The following DNAH8 variants were observed in gnomAD, a reference collection of about 807,000 sequenced individuals.
DNAH8 encodes axonemal beta dynein heavy chain 8.
In DNAH8, 382 loss-of-function variants were observed where a neutral mutation model predicts 562.1. The ratio of observed to expected loss-of-function variants is 0.68; its 90% CI spans 0.63 to 0.74. The LOEUF is 0.74. Among genes scored for constraint, DNAH8 ranks in the 30% least tolerant of loss-of-function variants. The probability of loss-of-function intolerance (pLI) is 0.00; values close to 1 mark genes in which losing one functional copy is unlikely to be tolerated. For missense variants in DNAH8, 5,203 were observed against 5,620.4 expected (o/e 0.93, Z 2.37); for synonymous variants, 1,881 against 1,919.4 (o/e 0.98, Z 0.52).
intron 62 of DNAH8, among the ~76,000 whole-genome samples, chr6:38,904,692 T>C (rs1780310613): frequency 6.8e-6 from 1 of 147,320 alleles, no homozygotes; most frequent in African/African-American, 2.5e-5. Context: ...CTCAAGAGGC[T>C]GAGGCAGGAG....
At chr6:38,735,416 C>T (rs1042212924) in intron 5 of DNAH8, among the ~76,000 whole-genome samples, 2 of 152,180 alleles carry the variant, frequency 1.3e-5, no homozygotes, top group South Asian at 4.1e-4. Flanking sequence ...TTTTCCCTGA[C>T]CCCTTGTAAA....
At chr6:38,780,190 G>A (rs1237785399) in intron 15 of DNAH8, 125 bp downstream of exon 15, 5 of 900,774 alleles carry the variant, frequency 5.6e-6, no homozygotes, top group African/African-American at 5.0e-5. Flanking sequence ...AAGGAGCATT[G>A]ACGCTCCCTT....
At chr6:38,984,889 T>G (rs534703765) in intron 87 of DNAH8, among the ~76,000 whole-genome samples, 5 of 152,196 alleles carry the variant, frequency 3.3e-5, no homozygotes, top group African/African-American at 9.6e-5. Flanking sequence ...CTTTCCCATG[T>G]AGATGAAACT....
intron 71 of DNAH8, among the ~76,000 whole-genome samples, chr6:38,922,759 A>G (rs1464541447): frequency 6.6e-6 from 1 of 152,286 alleles, no homozygotes; most frequent in South Asian, 2.1e-4. Context: ...TATTGATTTG[A>G]TTCTGTTTTG....
At position 38,883,069 on chromosome 6, in the gene DNAH8, G is replaced by T; in HGVS notation, c.8001+17G>T. ...CAACATAAAGTAAGTTTAATAGATA[G>T]TTCCTTAAATGATCACAAACCATCC... On this transcript the variant is annotated intron_variant, in intron 54 of 92. Coordinates refer to ENST00000327475, the MANE Select transcript of DNAH8 (RefSeq NM_001206927.2). 1.3e-6 allele frequency: 2 copies of T among 1,561,856 alleles called. No individual in the cohort carries two copies. Among genetic ancestry groups the T allele is most frequent in the Non-Finnish European group, 1.7e-6 (2 of 1,158,026 alleles).
chr6:38,841,973 A>G (rs1774839418), intron 33 of DNAH8, among the ~76,000 whole-genome samples: 1 of 152,150 alleles, frequency 6.6e-6, no homozygotes, highest in Non-Finnish European at 1.5e-5. Flanking sequence ...TTCTCATAAA[A>G]TCCAGCTTGT....
At chr6:38,935,443 A>G (rs1023279123) in intron 76 of DNAH8, 149 bp from the exon 77 acceptor site, 2 of 594,052 alleles carry the variant, frequency 3.4e-6, no homozygotes, top group Non-Finnish European at 5.8e-6. Context: ...ATGGATAGAT[A>G]GATTTGGCTA....
chr6:38,921,603 A>T, intron 71 of DNAH8, 97 bp downstream of exon 71: 1 of 1,369,066 alleles, frequency 7.3e-7, no homozygotes, highest in East Asian at 2.6e-5. Context: ...GTGATGAAAA[A>T]ATATTGGCCA....
intron 8 of DNAH8, among the ~76,000 whole-genome samples, chr6:38,748,104 T>C (rs1324722670): frequency 6.6e-6 from 1 of 152,242 alleles, no homozygotes; most frequent in African/African-American, 2.4e-5. Context: ...GACATTCTTA[T>C]TCATGTCTCC....
At chr6:38,727,978 T>C (rs75761883) in intron 3 of DNAH8, among the ~76,000 whole-genome samples, 1 of 152,136 alleles carries the variant, frequency 6.6e-6, no homozygotes, top group Non-Finnish European at 1.5e-5. Context: ...AATTTTTTTT[T>C]CTTTTGAGAC....
In DNAH8 at chr6:38,860,543, G is replaced by T; in HGVS notation, c.6045G>T (p.Val2015=). 2 of 1,531,484 alleles carry T rather than the reference G, an allele frequency of 1.3e-6. No homozygotes were observed. The highest frequency in any genetic ancestry group is 2.3e-5 in the Admixed American group (1 of 42,868). The allele number at this position is 1,531,484 out of a possible 1,614,324, so 94.9% of individuals were successfully genotyped here. ...FYFKEDLDQT[V]VSITDVDFIY... ...TTAAGGAAGATTTGGATCAAACTGT[G>T]GTGTCTATTACAGATGTTGATTTTA... Residue 2015 remains valine, a synonymous_variant, in exon 43 of 93, where the codon GTG becomes GTT. Transcript: ENST00000327475.
At chr6:38,738,441 A>AT (rs1562600795) in intron 7 of DNAH8, among the ~76,000 whole-genome samples, 1 of 152,120 alleles carries the variant, frequency 6.6e-6, no homozygotes, top group Non-Finnish European at 1.5e-5. Context: ...CTATGGTCAA[A>AT]TTTTTTCTGG....
chr6:38,918,637 A>C (rs1281684670), intron 70 of DNAH8, among the ~76,000 whole-genome samples: 1 of 152,212 alleles, frequency 6.6e-6, no homozygotes, highest in Non-Finnish European at 1.5e-5. Context: ...CCACAACCCT[A>C]AATACTAGAA....
At chr6:38,768,205 G>T (rs1257084358) in intron 11 of DNAH8, among the ~76,000 whole-genome samples, 2 of 151,896 alleles carry the variant, frequency 1.3e-5, no homozygotes, top group African/African-American at 2.4e-5. Context: ...ATATATTCTG[G>T]ATATTAATTC....
intron 67 of DNAH8, among the ~76,000 whole-genome samples, chr6:38,914,392 C>CTTTTTTTTTTTTT (rs66765653): frequency 3.1e-5 from 2 of 63,990 alleles, no homozygotes; most frequent in African/African-American, 6.8e-5. Flanking sequence ...TGCTTTTTCT[C>CTTTTTTTTTTTTT]TTTTTTTTTT....
chr6:38,913,943 A>C lies in DNAH8; in HGVS notation c.9954A>C (p.Lys3318Asn). 3.7e-6 allele frequency: 6 copies of C among 1,611,164 alleles called. No homozygotes were observed. Among genetic ancestry groups the C allele is most frequent in the Non-Finnish European group, 5.1e-6 (6 of 1,177,618 alleles). Residue 3318 changes from lysine (K) to asparagine (N), a missense_variant, in exon 67 of 93, where the codon AAA (lysine) becomes AAC (asparagine). Lys to Asn is a moderately conservative substitution (Grantham distance 94). Transcript: ENST00000327475. ...KEKELAVASI[K>N]ADEVLAEVTV... is the part of the protein sequence containing the mutation. Reference sequence around the variant, plus strand: ...AGGAGTTGGCAGTGGCTTCCATAAAAGCAGACGAAGTGAGTTTGCATTTAT... The same window carrying C: ...AGGAGTTGGCAGTGGCTTCCATAAACGCAGACGAAGTGAGTTTGCATTTAT...
At chr6:38,913,980 TGAG>T in intron 67 of DNAH8, 28 bp downstream of exon 67, 1 of 1,529,944 alleles carries the variant, frequency 6.5e-7, no homozygotes, top group Non-Finnish European at 9.0e-7. Flanking sequence ...TTATCACTGA[TGAG>T]GAATATTTTT....
chr6:39,016,664 C>T (rs1377142714), intron 91 of DNAH8, among the ~76,000 whole-genome samples: 1 of 152,124 alleles, frequency 6.6e-6, no homozygotes, highest in Non-Finnish European at 1.5e-5. Flanking sequence ...TCACCTGGAC[C>T]ATAAGGAAGA....
chr6:38,760,898 C>T (rs996891455), intron 10 of DNAH8, among the ~76,000 whole-genome samples: 5 of 151,996 alleles, frequency 3.3e-5, no homozygotes, highest in African/African-American at 1.2e-4. Flanking sequence ...GCCAAATAAA[C>T]CTCTTTTCTC....
Sources: gnomAD v4.1 joint callset for allele counts (sites outside exome capture counted in the v4.1 genomes callset) on GRCh38, gnomAD v4.1.1 for gene constraint, MANE v1.5 for transcripts, NCBI Gene and HGNC (gene_info 2026-07-23, HGNC 2026-07-21) for gene names.